Variants in TBC1D19 observed in about 807,000 individuals in gnomAD.
TBC1D19 encodes TBC1 domain family, member 19.
In TBC1D19, 60 loss-of-function variants were observed where a neutral mutation model predicts 89.0. The ratio of observed to expected loss-of-function variants is 0.67; its 90% confidence interval spans 0.55 to 0.84. The LOEUF (loss-of-function observed/expected upper bound fraction) is 0.84, where lower values mean the gene tolerates loss of function less well. TBC1D19 is among the 40% of genes least tolerant of loss of function. TBC1D19 has a pLI of 0.00. For missense variants in TBC1D19, 500 were observed against 610.8 expected, an observed-to-expected ratio of 0.82 and a Z score of 1.91; for synonymous variants, 189 against 199.7, an observed-to-expected ratio of 0.95 and a Z score of 0.45.
intron 15 of TBC1D19, among the ~76,000 whole-genome samples, chr4:26,727,989 G>A (rs1221871995): frequency 2.6e-5 from 4 of 152,126 alleles, no homozygotes; most frequent in African/African-American, 9.7e-5. Context: ...GAACTTGGGG[G>A]AAATGTAGTA....
intron 4 of TBC1D19, among the ~76,000 whole-genome samples, chr4:26,626,413 T>A (rs1742402745): frequency 6.6e-6 from 1 of 152,144 alleles, no homozygotes; most frequent in Admixed American, 6.6e-5. Flanking sequence ...AGCATATAGA[T>A]CCCTAATTGT....
chr4:26,714,748 A>C (rs1035418022), intron 13 of TBC1D19, among the ~76,000 whole-genome samples: 31 of 152,100 alleles, frequency 2.0e-4, no homozygotes, highest in African/African-American at 7.0e-4. Context: ...CTGAGATCTT[A>C]TTAAACAGTT....
rs1442842469 is a variant in TBC1D19 at position 26,755,463 on chromosome 4, G to A, written c.*516G>A. Reference sequence around the variant, plus strand: ...GTAGGAATTCAAAAGTTGCTTAAATGGTGTTTTAAGCAACTTTTTACACCC... The same window carrying A: ...GTAGGAATTCAAAAGTTGCTTAAATAGTGTTTTAAGCAACTTTTTACACCC... On this transcript the variant is annotated 3_prime_UTR_variant, in exon 21 of 21. Coordinates refer to ENST00000264866, the MANE Select transcript of TBC1D19 (RefSeq NM_018317.4). The A allele has an allele frequency of 1.3e-5, 2 of 151,948 alleles. No homozygotes were observed. The highest frequency in any genetic ancestry group is 4.8e-5 in the African/African-American group (2 of 41,366). 9.4% of individuals were successfully genotyped at this position (151,948 alleles called of 1,614,324 possible).
chr4:26,680,765 A>G (rs1713265414), intron 11 of TBC1D19, among the ~76,000 whole-genome samples: 1 of 152,174 alleles, frequency 6.6e-6, no homozygotes, highest in African/African-American at 2.4e-5. Flanking sequence ...TCCTTGAAAT[A>G]TTCTTGGTCT....
intron 12 of TBC1D19, among the ~76,000 whole-genome samples, chr4:26,684,172 T>C (rs904824036): frequency 6.6e-6 from 1 of 152,224 alleles, no homozygotes; most frequent in African/African-American, 2.4e-5. Flanking sequence ...TCTAGACATA[T>C]GGCTAAGTAT....
the TBC1D19 span, among the ~76,000 whole-genome samples, chr4:26,855,933 A>G: frequency 1.3e-5 from 2 of 152,220 alleles, no homozygotes; most frequent in African/African-American, 4.8e-5. Flanking sequence ...GAACAATTCA[A>G]CTGAGCTAAC....
chr4:26,854,811 G>A, the TBC1D19 span, among the ~76,000 whole-genome samples: 5,791 of 150,882 alleles, frequency 0.038, 241 homozygotes, highest in African/African-American at 0.1. Context: ...GGCTGCAGGT[G>A]GACAGTGGCA....
At chr4:26,619,696 T>C (rs1446780449) in intron 3 of TBC1D19, among the ~76,000 whole-genome samples, 1 of 152,204 alleles carries the variant, frequency 6.6e-6, no homozygotes, top group Non-Finnish European at 1.5e-5. Context: ...TAGATTTTAG[T>C]AGAAAAATAA....
At position 26,756,012 on chromosome 4, in the gene TBC1D19, T is replaced by C. The variant is rs1363839832; in HGVS notation, c.*1065T>C. ...TTTGATTTTAGTTTCAAATTTAAGA[T>C]GCTGATCACTTCACTAAAACTGTAA... On this transcript the variant is annotated 3_prime_UTR_variant, in exon 21 of 21. Transcript: ENST00000264866. Among the ~76,000 whole-genome samples, 4 of 152,242 alleles carry C rather than the reference T, an allele frequency of 2.6e-5. No homozygotes were observed. Among genetic ancestry groups the C allele is most frequent in the Non-Finnish European group, 4.4e-5 (3 of 68,042 alleles).
At chr4:26,630,226 T>C (rs1187309862) in intron 4 of TBC1D19, among the ~76,000 whole-genome samples, 1 of 151,946 alleles carries the variant, frequency 6.6e-6, no homozygotes, top group African/African-American at 2.4e-5. Flanking sequence ...ACTCCTGAAA[T>C]CCTTTGAGTC....
chr4:26,592,763 T>G (rs1739906121), intron 1 of TBC1D19, among the ~76,000 whole-genome samples: 2 of 151,546 alleles, frequency 1.3e-5, no homozygotes, highest in Admixed American at 1.3e-4. Flanking sequence ...ATAAAATACC[T>G]AGGAATCCAA....
chr4:26,838,748 C>G, the TBC1D19 span, among the ~76,000 whole-genome samples: 1 of 152,336 alleles, frequency 6.6e-6, no homozygotes, highest in African/African-American at 2.4e-5. Context: ...AATCGCCTTT[C>G]AGAATCTGTT....
the TBC1D19 span, among the ~76,000 whole-genome samples, chr4:26,830,536 T>A: frequency 6.6e-6 from 1 of 152,124 alleles, no homozygotes. Context: ...TTTCTGGGAT[T>A]TTTTTCCCGT....
At chr4:26,712,551 CT>C in intron 13 of TBC1D19, among the ~76,000 whole-genome samples, 1 of 152,068 alleles carries the variant, frequency 6.6e-6, no homozygotes, top group South Asian at 2.1e-4. Flanking sequence ...TAAAAATCTT[CT>C]ATTTAATCAC....
rs371648101 is a variant in TBC1D19, at chr4:26,666,423, G to A, written c.664+18G>A. ...GCCTCCTGGTTAGTATTTTTCCAAC[G>A]GCATATAATTAATGATAAATGAGAG... On this transcript the variant is annotated intron_variant, in intron 9 of 20. Coordinates refer to ENST00000264866, the MANE Select transcript of TBC1D19 (RefSeq NM_018317.4). 40 of 1,595,254 alleles carry A rather than the reference G, an allele frequency of 2.5e-5. No individual in the cohort carries two copies. In the African/African-American group the frequency reaches 4.2e-4, roughly 17 times the overall value.
intron 15 of TBC1D19, among the ~76,000 whole-genome samples, chr4:26,729,905 A>G (rs1717546252): frequency 6.6e-6 from 1 of 152,206 alleles, no homozygotes; most frequent in Non-Finnish European, 1.5e-5. Context: ...TTAGATGAGT[A>G]GGAGCTCAGC....
At chr4:26,743,508 T>C (rs1300894652) in intron 18 of TBC1D19, among the ~76,000 whole-genome samples, 2 of 152,044 alleles carry the variant, frequency 1.3e-5, no homozygotes, top group African/African-American at 2.4e-5. Flanking sequence ...ATCTTAAAAA[T>C]CAAGAGAATT....
intron 1 of TBC1D19, among the ~76,000 whole-genome samples, chr4:26,592,139 C>T (rs1377549144): frequency 6.6e-6 from 1 of 152,176 alleles, no homozygotes; most frequent in Non-Finnish European, 1.5e-5. Context: ...GCTTATCCAC[C>T]ATGATAAGTG....
At chr4:26,684,229 A>G (rs1009430507) in intron 12 of TBC1D19, among the ~76,000 whole-genome samples, 2 of 152,196 alleles carry the variant, frequency 1.3e-5, no homozygotes, top group African/African-American at 2.4e-5. Context: ...GCCTCCAAGC[A>G]TCTGATAATC....
Sources: allele counts gnomAD v4.1 joint callset (sites outside exome capture counted in the v4.1 genomes callset), GRCh38; gene constraint gnomAD v4.1.1; transcripts MANE v1.5; gene names NCBI Gene and HGNC (gene_info 2026-07-23, HGNC 2026-07-21).